The following PAWR variants were observed in gnomAD, a reference collection of about 807,000 sequenced individuals.
PAWR encodes the protein PRKC apoptosis WT1 regulator protein.
Under a neutral mutation model 32.0 loss-of-function variants are expected in PAWR, and 23 were observed. That is an observed-to-expected ratio of 0.72 (90% CI 0.52 to 1.02). PAWR has a LOEUF of 1.02. Ranked by LOEUF, PAWR falls within the 50% of genes least tolerant of loss-of-function variation. The pLI, the probability that PAWR is intolerant of heterozygous loss-of-function variation, is 0.00. For synonymous variants in PAWR, 226 were observed against 187.1 expected (o/e 1.21, Z -1.70); for missense variants, 457 against 437.7 (o/e 1.04, Z -0.39).
At chr12:79,603,084 T>TA (rs199765443) in intron 4 of PAWR, among the ~76,000 whole-genome samples, 2 of 151,490 alleles carry the variant, frequency 1.3e-5, no homozygotes, top group African/African-American at 4.8e-5. Context: ...TCTATAAAAT[T>TA]AAAAAAATAA....
chr12:79,645,240 C>T (rs931128741), intron 2 of PAWR, among the ~76,000 whole-genome samples: 3 of 152,124 alleles, frequency 2.0e-5, no homozygotes, highest in Non-Finnish European at 4.4e-5. Context: ...CAAATGGCTA[C>T]TAAGTTATTA....
chr12:79,679,995 TTTTC>T (rs1308268324), intron 2 of PAWR, among the ~76,000 whole-genome samples: 6 of 152,222 alleles, frequency 3.9e-5, no homozygotes, highest in Non-Finnish European at 2.9e-5. Flanking sequence ...CAAGCCATTG[TTTTC>T]TATGTTTTTA....
intron 2 of PAWR, among the ~76,000 whole-genome samples, chr12:79,622,641 A>C (rs1321726742): frequency 6.6e-6 from 1 of 152,232 alleles, no homozygotes; most frequent in Non-Finnish European, 1.5e-5. Context: ...GATGATACAG[A>C]GAAGTCTGAG....
chr12:79,663,550 G>A (rs1164694875), intron 2 of PAWR, among the ~76,000 whole-genome samples: 1 of 152,104 alleles, frequency 6.6e-6, no homozygotes, highest in African/African-American at 2.4e-5. Context: ...TTGAGCCCAG[G>A]AGCTCAAGAC....
intron 2 of PAWR, among the ~76,000 whole-genome samples, chr12:79,662,650 C>T (rs889362599): frequency 6.6e-6 from 1 of 152,174 alleles, no homozygotes; most frequent in Non-Finnish European, 1.5e-5. Context: ...GACAAAAAAG[C>T]AGAAGCCCAG....
At position 79,588,737 on chromosome 12, in the gene PAWR, T is replaced by C. The variant is rs900619981; in HGVS notation, c.*3870A>G. On this transcript the variant is annotated 3_prime_UTR_variant, in exon 7 of 7. Coordinates refer to ENST00000328827, the MANE Select transcript of PAWR (RefSeq NM_002583.4). ...TCCCACATACTATATTCCTCTCACA[T>C]AGACATAGTTATTTTTAGTGGGGAT... 6 of 152,026 alleles carry C rather than the reference T, an allele frequency of 3.9e-5. No individual in the cohort carries two copies. Among genetic ancestry groups the C allele is most frequent in the African/African-American group, 1.2e-4 (5 of 41,446 alleles). The allele number at this position is 152,026 out of a possible 1,614,324, so 9.4% of individuals were successfully genotyped here. A position where few individuals can be genotyped will look rare whatever the true frequency, so the allele number is the denominator to read the frequency against.
chr12:79,621,292 A>T, intron 2 of PAWR, 85 bp from the exon 3 acceptor site: 1 of 1,028,618 alleles, frequency 9.7e-7, no homozygotes, highest in South Asian at 1.7e-5. Flanking sequence ...ATAGTATTAA[A>T]GAAATATTTG....
chr12:79,612,619 A>G (rs560024167), intron 4 of PAWR, among the ~76,000 whole-genome samples: 4 of 152,214 alleles, frequency 2.6e-5, no homozygotes, highest in Non-Finnish European at 5.9e-5. Context: ...CTCATCTATA[A>G]AAGAGAAATA....
At chr12:79,634,841 T>C (rs1875885002) in intron 2 of PAWR, among the ~76,000 whole-genome samples, 1 of 152,152 alleles carries the variant, frequency 6.6e-6, no homozygotes, top group Non-Finnish European at 1.5e-5. Context: ...AAGGATTCAT[T>C]TGGCTTGGTA....
intron 2 of PAWR, among the ~76,000 whole-genome samples, chr12:79,678,445 C>T (rs1370025575): frequency 6.6e-6 from 1 of 152,260 alleles, no homozygotes; most frequent in African/African-American, 2.4e-5. Context: ...ACATATCCTG[C>T]TTATTTCCAA....
chr12:79,627,864 C>T (rs1303382130), intron 2 of PAWR, among the ~76,000 whole-genome samples: 1 of 152,160 alleles, frequency 6.6e-6, no homozygotes, highest in East Asian at 1.9e-4. Context: ...TAATGGGAGA[C>T]TTTAACACCC....
chr12:79,643,107 T>G (rs1592525885), intron 2 of PAWR, among the ~76,000 whole-genome samples: 3 of 152,304 alleles, frequency 2.0e-5, no homozygotes, highest in African/African-American at 7.2e-5. Flanking sequence ...CACCCTATTT[T>G]CTATACTATG....
rs765080544 is a variant in PAWR at position 79,592,027 on chromosome 12, A to G, written c.*580T>C. ...ACAATTCAAGTATTCTCTTAAATTT[A>G]TATTTAGTCAACTAAAACATGACAG... On this transcript the variant is annotated 3_prime_UTR_variant, in exon 7 of 7. Transcript: ENST00000328827. 6.6e-6 allele frequency: 1 copy of G among 152,594 alleles called. No homozygotes were observed. Among genetic ancestry groups the G allele is most frequent in the Admixed American group, 6.5e-5 (1 of 15,278 alleles). 9.5% of individuals were successfully genotyped at this position (152,594 alleles called of 1,614,324 possible). A position where few individuals can be genotyped will look rare whatever the true frequency, so the allele number is the denominator to read the frequency against.
chr12:79,627,291 A>G (rs888503862), intron 2 of PAWR, among the ~76,000 whole-genome samples: 22 of 152,232 alleles, frequency 1.4e-4, no homozygotes, highest in African/African-American at 3.9e-4. Context: ...TCTAACTGGC[A>G]TGAGATGGTA....
At chr12:79,663,055 C>G (rs984903432) in intron 2 of PAWR, among the ~76,000 whole-genome samples, 3 of 152,154 alleles carry the variant, frequency 2.0e-5, no homozygotes, top group African/African-American at 7.2e-5. Flanking sequence ...GCCTGTCCAC[C>G]TACCTAATTT....
intron 2 of PAWR, among the ~76,000 whole-genome samples, chr12:79,676,653 T>C (rs1480624392): frequency 6.6e-6 from 1 of 152,208 alleles, no homozygotes; most frequent in Non-Finnish European, 1.5e-5. Context: ...CAAGTTCTCC[T>C]GTAGCCGGAT....
chr12:79,612,312 T>G (rs1371986276), intron 4 of PAWR, among the ~76,000 whole-genome samples: 1 of 152,080 alleles, frequency 6.6e-6, no homozygotes, highest in Non-Finnish European at 1.5e-5. Context: ...CTGATTATCT[T>G]GGCCTTCTCA....
At chr12:79,616,005 T>C (rs1874713332) in intron 3 of PAWR, among the ~76,000 whole-genome samples, 1 of 143,404 alleles carries the variant, frequency 7.0e-6, no homozygotes, top group South Asian at 2.1e-4. Flanking sequence ...TGCAGTGAGC[T>C]GAGATCACAC....
chr12:79,632,628 CAA>C (rs1053677364), intron 2 of PAWR, among the ~76,000 whole-genome samples: 11 of 151,632 alleles, frequency 7.3e-5, no homozygotes, highest in Non-Finnish European at 1.5e-4. Flanking sequence ...CTCAGTCTCA[CAA>C]AGTTCTGGGA....
Sources: gnomAD v4.1 joint callset for allele counts (sites outside exome capture counted in the v4.1 genomes callset) on GRCh38, gnomAD v4.1.1 for gene constraint, MANE v1.5 for transcripts, NCBI Gene and HGNC (gene_info 2026-07-23, HGNC 2026-07-21) for gene names.